SGCZ: variants seen among roughly 807,000 people sequenced by gnomAD.
SGCZ encodes sarcoglycan zeta, also known as zeta-sarcoglycan.
SGCZ carries 40 observed loss-of-function variants against 41.3 expected under a neutral mutation model. That is an observed-to-expected ratio of 0.97 (90% confidence interval 0.75 to 1.26). The LOEUF is 1.26. Ranked by LOEUF, SGCZ falls within the 50% of genes most tolerant of loss-of-function variation. SGCZ has a pLI of 0.00. For missense variants in SGCZ, 552 were observed against 369.8 expected (o/e 1.49, Z -4.04); for synonymous variants, 206 against 137.5 (o/e 1.50, Z -3.49).
intron 1 of SGCZ, among the ~76,000 whole-genome samples, chr8:14,584,052 T>C (rs1271389624): frequency 6.6e-6 from 1 of 152,188 alleles, no homozygotes; most frequent in Non-Finnish European, 1.5e-5. Context: ...TAAGTCCTAT[T>C]CTTTATCTCA....
At chr8:14,712,343 T>A in intron 1 of SGCZ, among the ~76,000 whole-genome samples, 1 of 152,322 alleles carries the variant, frequency 6.6e-6, no homozygotes, top group East Asian at 1.9e-4. Context: ...TTGTAATTAC[T>A]TTTAAAGACT....
chr8:14,129,746 AATAAT>A, intron 5 of SGCZ, among the ~76,000 whole-genome samples: 1 of 134,888 alleles, frequency 7.4e-6, no homozygotes, highest in South Asian at 2.1e-4. Context: ...TAACATATAA[AATAAT>A]ATAATAATAG....
chr8:14,798,587 C>G (rs528549385), intron 1 of SGCZ, among the ~76,000 whole-genome samples: 1 of 152,266 alleles, frequency 6.6e-6, no homozygotes, highest in East Asian at 1.9e-4. Context: ...TGCTTCAGCA[C>G]TTTATACTGT....
At chr8:14,702,365 C>A (rs900576446) in intron 1 of SGCZ, among the ~76,000 whole-genome samples, 1 of 151,884 alleles carries the variant, frequency 6.6e-6, no homozygotes, top group East Asian at 1.9e-4. Flanking sequence ...TATCCACACA[C>A]TCTTCTTAAG....
chr8:15,087,321 T>C (rs1367997863), intron 1 of SGCZ, among the ~76,000 whole-genome samples: 1 of 152,088 alleles, frequency 6.6e-6, no homozygotes, highest in African/African-American at 2.4e-5. Context: ...TGTGTGACTT[T>C]TCTAGTATTT....
At position 14,369,304 on chromosome 8, in the gene SGCZ, T is replaced by C. The variant is rs565872445; in HGVS notation, c.235-45100A>G. Reference sequence around the variant, plus strand: ...TTGACTCTCAGTCTGGAACCTTTTTTGTCTTCATGACCTTAACATTTTAGA... The same window carrying C: ...TTGACTCTCAGTCTGGAACCTTTTTCGTCTTCATGACCTTAACATTTTAGA... On this transcript the variant is annotated intron_variant, in intron 2 of 7. Coordinates refer to ENST00000382080, the MANE Select transcript of SGCZ (RefSeq NM_139167.4). Among the ~76,000 whole-genome samples, 4 of 152,122 alleles carry C rather than the reference T, an allele frequency of 2.6e-5. No individual in the cohort carries two copies. In the South Asian group the frequency reaches 8.3e-4, roughly 31 times the overall value.
chr8:15,214,949 G>C (rs1801351460), intron 1 of SGCZ, among the ~76,000 whole-genome samples: 1 of 152,106 alleles, frequency 6.6e-6, no homozygotes, highest in Non-Finnish European at 1.5e-5. Flanking sequence ...AACTAGTGGA[G>C]GATACTATGT....
intron 1 of SGCZ, among the ~76,000 whole-genome samples, chr8:14,755,805 G>C (rs1484388703): frequency 6.6e-6 from 1 of 151,908 alleles, no homozygotes; most frequent in Non-Finnish European, 1.5e-5. Flanking sequence ...GTCCTCTACA[G>C]ACTTTCATGT....
intron 1 of SGCZ, among the ~76,000 whole-genome samples, chr8:14,603,173 T>C (rs553151902): frequency 4.6e-5 from 7 of 152,296 alleles, no homozygotes; most frequent in African/African-American, 1.7e-4. Flanking sequence ...ACCTTCGTTC[T>C]TGAAGACCAC....
intron 7 of SGCZ, among the ~76,000 whole-genome samples, chr8:14,095,483 C>T (rs144506297): frequency 6.6e-6 from 1 of 151,638 alleles, no homozygotes; most frequent in African/African-American, 2.4e-5. Flanking sequence ...GGTACCAGTA[C>T]CATGCTGTTT....
chr8:14,871,632 C>T (rs1804154420), intron 1 of SGCZ, among the ~76,000 whole-genome samples: 1 of 151,766 alleles, frequency 6.6e-6, no homozygotes, highest in South Asian at 2.1e-4. Context: ...AGTGAAACCC[C>T]ATCTCTACTA....
intron 4 of SGCZ, among the ~76,000 whole-genome samples, chr8:14,223,898 C>A (rs1806286836): frequency 6.6e-6 from 1 of 152,100 alleles, no homozygotes; most frequent in African/African-American, 2.4e-5. Context: ...AACACTTTTC[C>A]AGTAATGTGA....
intron 1 of SGCZ, among the ~76,000 whole-genome samples, chr8:14,809,232 A>C (rs1436614097): frequency 6.6e-6 from 1 of 152,188 alleles, no homozygotes; most frequent in South Asian, 2.1e-4. Flanking sequence ...AAGTATAATA[A>C]TAAAAGAAGA....
rs1483680678 is a variant in SGCZ at position 14,677,697 on chromosome 8, G to T, written c.40-122771C>A. On this transcript the variant is annotated intron_variant, in intron 1 of 7. Coordinates refer to ENST00000382080, the MANE Select transcript of SGCZ (RefSeq NM_139167.4). ...GAGGCAAGAGAATCGCTTGAACCTG[G>T]GAGGCAGAGGTTGCAGTGAGCCAAG... Among the ~76,000 whole-genome samples the T allele has an allele frequency of 3.9e-5, 6 of 152,112 alleles. No homozygotes were observed. The South Asian group carries it at 6.2e-4, about 16-fold the overall frequency.
In SGCZ at chr8:14,695,651, AC is replaced by A. The variant is rs139766726; in HGVS notation, c.40-140726del. Among the ~76,000 whole-genome samples the A allele has an allele frequency of 6.3e-3, 954 of 152,152 alleles. 9 individuals carry two copies. The highest frequency in any genetic ancestry group is 0.031 in the Middle Eastern group (9 of 294). On this transcript the variant is annotated intron_variant, in intron 1 of 7. Coordinates refer to ENST00000382080, the MANE Select transcript of SGCZ (RefSeq NM_139167.4). ...AAAGCTAAAGGTGTGGAACTATAAA[AC>A]CTACATTACACAATATCATTTACAC...
chr8:15,100,971 G>A (rs754613393), intron 1 of SGCZ, among the ~76,000 whole-genome samples: 3 of 149,960 alleles, frequency 2.0e-5, no homozygotes, highest in Non-Finnish European at 4.4e-5. Context: ...GTGAGACCAT[G>A]TCTCAAAAAA....
At chr8:14,237,459 G>A (rs1806803529) in intron 4 of SGCZ, 133 bp downstream of exon 4, 12 of 815,464 alleles carry the variant, frequency 1.5e-5, no homozygotes, top group Admixed American at 1.1e-4. Flanking sequence ...ACTCCAGCCT[G>A]GTGACAGAGT....
At chr8:14,417,451 C>T (rs924284159) in intron 2 of SGCZ, among the ~76,000 whole-genome samples, 3 of 151,466 alleles carry the variant, frequency 2.0e-5, no homozygotes, top group Non-Finnish European at 4.4e-5. Flanking sequence ...CAATTATTTC[C>T]CCAGTGATTA....
At chr8:14,811,548 G>A (rs1203690299) in intron 1 of SGCZ, among the ~76,000 whole-genome samples, 4 of 12,292 alleles carry the variant, frequency 3.3e-4, no homozygotes, top group South Asian at 1.8e-3. Flanking sequence ...TTTTTTTTTC[G>A]GAATCACACT....
Sources: allele counts gnomAD v4.1 joint callset (sites outside exome capture counted in the v4.1 genomes callset), GRCh38; gene constraint gnomAD v4.1.1; transcripts MANE v1.5; gene names NCBI Gene and HGNC (gene_info 2026-07-23, HGNC 2026-07-21).